Variants in MAPK10 observed in about 807,000 individuals in gnomAD.
MAPK10 encodes JNK3 alpha protein kinase.
Under a neutral mutation model 59.3 loss-of-function variants are expected in MAPK10, and 25 were observed. That is an observed-to-expected ratio of 0.42 (90% CI 0.31 to 0.59). The LOEUF is 0.59. Ranked by LOEUF, MAPK10 falls within the 20% of genes least tolerant of loss-of-function variation. The probability of loss-of-function intolerance (pLI) is 0.15; values close to 1 mark genes in which losing one functional copy is unlikely to be tolerated. For synonymous variants in MAPK10, 190 were observed against 200.5 expected (o/e 0.95, Z 0.44); for missense variants, 351 against 568.9 (o/e 0.62, Z 3.90).
At chr4:86,028,911 G>C (rs767308939) in intron 13 of MAPK10, 149 of 413,028 alleles carry the variant, frequency 3.6e-4, no homozygotes, top group Non-Finnish European at 8.1e-5. Context: ...ATTTTGATGA[G>C]GCACATTTAC....
At chr4:86,512,542 AT>A (rs974335678) in intron 1 of MAPK10, among the ~76,000 whole-genome samples, 2 of 152,112 alleles carry the variant, frequency 1.3e-5, no homozygotes, top group African/African-American at 4.8e-5. Flanking sequence ...TAAATCTGAG[AT>A]TTTCATGTGA....
At chr4:86,177,061 C>T (rs779041790) in intron 3 of MAPK10, among the ~76,000 whole-genome samples, 6 of 152,046 alleles carry the variant, frequency 3.9e-5, no homozygotes, top group Admixed American at 6.6e-5. Context: ...TCTCTTTCCC[C>T]ATTACATGAA....
At chr4:86,361,595 T>C (rs1407392312), upstream of MAPK10, among the ~76,000 whole-genome samples, 1 of 152,108 alleles carries the variant, frequency 6.6e-6, no homozygotes, top group Non-Finnish European at 1.5e-5. Flanking sequence ...CTAATAGCCA[T>C]GGAAACAACT....
intron 4 of MAPK10, among the ~76,000 whole-genome samples, chr4:86,143,598 A>G (rs1168923594): frequency 6.6e-6 from 1 of 152,194 alleles, no homozygotes; most frequent in African/African-American, 2.4e-5. Flanking sequence ...CCACAACCAG[A>G]TTCTATTTAC....
intron 1 of MAPK10, among the ~76,000 whole-genome samples, chr4:86,386,829 C>T (rs1046205853): frequency 6.6e-6 from 1 of 152,086 alleles, no homozygotes; most frequent in Non-Finnish European, 1.5e-5. Flanking sequence ...CCATCCAGTG[C>T]CCACTTTTCA....
chr4:86,193,718 G>C (rs1217172761), intron 3 of MAPK10: 4 of 156,076 alleles, frequency 2.6e-5, no homozygotes, highest in African/African-American at 9.6e-5. Context: ...CCCTAAGCTA[G>C]ACCACTTGGC....
At chr4:86,585,981 G>T (rs1351455461) in intron 1 of MAPK10, among the ~76,000 whole-genome samples, 1 of 152,128 alleles carries the variant, frequency 6.6e-6, no homozygotes, top group Non-Finnish European at 1.5e-5. Flanking sequence ...CTTTAAGACA[G>T]AAGATAAACT....
intron 2 of MAPK10, among the ~76,000 whole-genome samples, chr4:86,218,268 A>T (rs192722768): frequency 1.3e-5 from 2 of 151,640 alleles, no homozygotes; most frequent in Non-Finnish European, 2.9e-5. Flanking sequence ...CAGTGGCGCC[A>T]TCTCAGCTCA....
At chr4:86,242,471 G>A (rs1357252772) in intron 2 of MAPK10, among the ~76,000 whole-genome samples, 1 of 152,212 alleles carries the variant, frequency 6.6e-6, no homozygotes, top group East Asian at 1.9e-4. Flanking sequence ...GTCTGCTGCA[G>A]AGACTGCAGC....
At chr4:86,107,407 T>C (rs2056741162) in intron 4 of MAPK10, 55 bp from the exon 5 acceptor site, 2 of 1,576,270 alleles carry the variant, frequency 1.3e-6, no homozygotes, top group African/African-American at 2.7e-5. Flanking sequence ...CTTAGAACTC[T>C]TGCCTACTTG....
chr4:86,137,599 A>C (rs1385051944), intron 4 of MAPK10, among the ~76,000 whole-genome samples: 1 of 131,046 alleles, frequency 7.6e-6, no homozygotes, highest in Non-Finnish European at 1.6e-5. Context: ...TCCAAAATTG[A>C]CACCCTAACA....
chr4:86,564,482 A>C (rs1760915689), intron 1 of MAPK10, among the ~76,000 whole-genome samples: 1 of 152,174 alleles, frequency 6.6e-6, no homozygotes, highest in Non-Finnish European at 1.5e-5. Context: ...CCATCTCTTA[A>C]GATATAGTAT....
intron 1 of MAPK10, among the ~76,000 whole-genome samples, chr4:86,473,491 C>T (rs1404531428): frequency 6.6e-6 from 1 of 152,168 alleles, no homozygotes; most frequent in Non-Finnish European, 1.5e-5. Context: ...ATTTACATAG[C>T]TGAGTCCAAG....
intron 9 of MAPK10, chr4:86,080,520 G>A (rs1410038252): frequency 6.6e-6 from 1 of 151,826 alleles, no homozygotes; most frequent in African/African-American, 2.4e-5. Context: ...TTAAAAATAA[G>A]AGTTTTATTA....
intron 1 of MAPK10, among the ~76,000 whole-genome samples, chr4:86,479,188 T>C (rs376330747): frequency 2.6e-5 from 4 of 152,256 alleles, no homozygotes; most frequent in African/African-American, 9.6e-5. Context: ...CCCACCTCTA[T>C]ACAGTCCTGT....
At chr4:86,218,142 A>G (rs1304001625) in intron 2 of MAPK10, among the ~76,000 whole-genome samples, 1 of 152,230 alleles carries the variant, frequency 6.6e-6, no homozygotes, top group African/African-American at 2.4e-5. Flanking sequence ...ATAAAAGGCC[A>G]AAATTAGTGC....
chr4:86,402,475 A>T (rs1448619620), intron 1 of MAPK10, among the ~76,000 whole-genome samples: 1 of 152,222 alleles, frequency 6.6e-6, no homozygotes, highest in Non-Finnish European at 1.5e-5. Flanking sequence ...TTCATGGGCC[A>T]GGATATTTTT....
At chr4:86,477,283 A>T (rs2149068830) in intron 1 of MAPK10, among the ~76,000 whole-genome samples, 1 of 152,240 alleles carries the variant, frequency 6.6e-6, no homozygotes, top group East Asian at 1.9e-4. Flanking sequence ...TCTGGTGCCA[A>T]TTTAGACAAT....
Position 86,270,349 on chromosome 4 carries a change from T to C in MAPK10, c.-6-75942A>G, listed in dbSNP as rs188651321. ...TAAAACAGGAAACAGTGAAGAAATA[T>C]GAGCAATGAATGAAAAAAAATGTGT... is the stretch of plus-strand genomic sequence containing the variant. On this transcript the variant is annotated intron_variant, in intron 2 of 13. Coordinates refer to ENST00000641462, the MANE Select transcript of MAPK10 (RefSeq NM_138982.4). 5.8e-3 allele frequency among the ~76,000 whole-genome samples: 882 copies of C among 152,010 alleles called. 8 individuals carry two copies. Among genetic ancestry groups the C allele is most frequent in the African/African-American group, 0.02 (828 of 41,484 alleles).
Sources: gnomAD v4.1 joint callset for allele counts (sites outside exome capture counted in the v4.1 genomes callset) on GRCh38, gnomAD v4.1.1 for gene constraint, MANE v1.5 for transcripts, NCBI Gene and HGNC (gene_info 2026-07-23, HGNC 2026-07-21) for gene names.